Variants in NETO1 observed in about 807,000 individuals in gnomAD.
The protein encoded by NETO1 is neuropilin and tolloid like 1.
In NETO1, 26 loss-of-function variants were observed where a neutral mutation model predicts 61.3. The ratio of observed to expected loss-of-function variants is 0.42; its 90% CI spans 0.31 to 0.59. The LOEUF is 0.59. NETO1 is among the 20% of genes least tolerant of loss of function. The pLI, the probability that NETO1 is intolerant of heterozygous loss-of-function variation, is 0.12. For missense variants in NETO1, 531 were observed against 662.8 expected, an observed-to-expected ratio of 0.80 and a Z score of 2.18; for synonymous variants, 225 against 225.8, an observed-to-expected ratio of 1.00 and a Z score of 0.03.
intron 8 of NETO1, among the ~76,000 whole-genome samples, chr18:72,754,752 TA>T (rs1403962555): frequency 1.3e-5 from 2 of 152,202 alleles, no homozygotes; most frequent in Non-Finnish European, 2.9e-5. Flanking sequence ...CCACTTTCAA[TA>T]ATGGATAAAA....
chr18:72,832,993 T>C (rs1466676079), intron 4 of NETO1, among the ~76,000 whole-genome samples: 1 of 152,214 alleles, frequency 6.6e-6, no homozygotes, highest in Non-Finnish European at 1.5e-5. Context: ...TCTAATGCTC[T>C]TCATATTCTC....
chr18:72,821,234 T>TA (rs10672110), intron 4 of NETO1, among the ~76,000 whole-genome samples: 1,231 of 80,180 alleles, frequency 0.015, 42 homozygotes, highest in South Asian at 0.032. Context: ...TCATATTAAC[T>TA]AAAAAAAAAA....
chr18:72,853,121 C>A (rs1325035623), intron 4 of NETO1, among the ~76,000 whole-genome samples: 2 of 152,164 alleles, frequency 1.3e-5, no homozygotes, highest in Admixed American at 1.3e-4. Flanking sequence ...AAGCATGAGT[C>A]ACCGCACCTT....
At chr18:72,784,835 C>T (rs117612390) in intron 6 of NETO1, among the ~76,000 whole-genome samples, 463 of 152,354 alleles carry the variant, frequency 3.0e-3, no homozygotes, top group Middle Eastern at 0.014. Flanking sequence ...GATTCAGTGG[C>T]ATCCACAGCT....
intron 4 of NETO1, among the ~76,000 whole-genome samples, chr18:72,799,890 GT>G (rs2072450561): frequency 6.6e-6 from 1 of 152,246 alleles, no homozygotes; most frequent in African/African-American, 2.4e-5. Context: ...TTGCTTACTT[GT>G]GCGACACATT....
chr18:72,827,813 C>T (rs541927574), intron 4 of NETO1, among the ~76,000 whole-genome samples: 119 of 151,974 alleles, frequency 7.8e-4, no homozygotes, highest in African/African-American at 2.7e-3. Context: ...CTCTGACTTA[C>T]GACTCCTACA....
At chr18:72,772,841 A>C (rs1275546570) in intron 7 of NETO1, among the ~76,000 whole-genome samples, 2,094 of 29,420 alleles carry the variant, frequency 0.071, 34 homozygotes, top group African/African-American at 0.097. Context: ...ATATATATAT[A>C]TATATATATA....
At chr18:72,767,360 CA>C (rs1351472751) in intron 7 of NETO1, among the ~76,000 whole-genome samples, 1 of 152,142 alleles carries the variant, frequency 6.6e-6, no homozygotes, top group Non-Finnish European at 1.5e-5. Flanking sequence ...CTAAAAATTA[CA>C]GGAAATTTCC....
chr18:72,819,399 G>A (rs2073124716), intron 4 of NETO1, among the ~76,000 whole-genome samples: 1 of 152,132 alleles, frequency 6.6e-6, no homozygotes, highest in African/African-American at 2.4e-5. Context: ...TATAATTGCT[G>A]AAATTCTGAG....
chr18:72,825,198 A>T (rs1348928867), intron 4 of NETO1, among the ~76,000 whole-genome samples: 1 of 152,194 alleles, frequency 6.6e-6, no homozygotes, highest in African/African-American at 2.4e-5. Flanking sequence ...CAAAGACTGG[A>T]ATGTACATCT....
At chr18:72,764,713 T>C (rs529637820) in intron 7 of NETO1, among the ~76,000 whole-genome samples, 6 of 152,316 alleles carry the variant, frequency 3.9e-5, no homozygotes, top group African/African-American at 1.2e-4. Flanking sequence ...ATATGGCTGA[T>C]GGGCCTAAGC....
rs571719155 is a variant in NETO1 at position 72,831,350 on chromosome 18, G to A, written c.469+27476C>T. Among the ~76,000 whole-genome samples the A allele has an allele frequency of 6.6e-5, 10 of 152,308 alleles. No homozygotes were observed. In the South Asian group the frequency reaches 1.7e-3, roughly 25 times the overall value. On this transcript the variant is annotated intron_variant, in intron 4 of 10. Coordinates refer to ENST00000327305, the MANE Select transcript of NETO1 (RefSeq NM_138966.5). ...TCTTCATAGAATTACAGTCTGGTGT[G>A]TCAGATAAAAGACACTGGGTTAACT...
rs148681385 is a variant in NETO1 at position 72,847,537 on chromosome 18, C to T, written c.469+11289G>A. Among the ~76,000 whole-genome samples the T allele has an allele frequency of 8.1e-3, 1,234 of 152,286 alleles. 21 individuals carry two copies. Among genetic ancestry groups the T allele is most frequent in the African/African-American group, 0.029 (1,193 of 41,538 alleles). On this transcript the variant is annotated intron_variant, in intron 4 of 10. Transcript: ENST00000327305. ...CTATTATTGCCACAAACAAAAACAC[C>T]ACTGTCCCATGCACATCTTTGGGAA...
At chr18:72,787,972 T>C (rs1360034586) in intron 6 of NETO1, among the ~76,000 whole-genome samples, 1 of 152,198 alleles carries the variant, frequency 6.6e-6, no homozygotes, top group Non-Finnish European at 1.5e-5. Context: ...AAATAAAATT[T>C]ATAGAAAATA....
chr18:72,858,798 G>GA (rs1311347464), intron 4 of NETO1, 28 bp downstream of exon 4: 1 of 1,565,650 alleles, frequency 6.4e-7, no homozygotes, highest in African/African-American at 1.4e-5. Flanking sequence ...GGAAGAAAAA[G>GA]AAATTTTTTT....
At chr18:72,754,254 G>A (rs1221054190) in intron 8 of NETO1, among the ~76,000 whole-genome samples, 3 of 151,876 alleles carry the variant, frequency 2.0e-5, no homozygotes, top group Non-Finnish European at 4.4e-5. Context: ...GCAGAAGAAA[G>A]CAATAAAGAA....
intron 4 of NETO1, among the ~76,000 whole-genome samples, chr18:72,802,412 G>A (rs527524763): frequency 6.6e-6 from 1 of 152,324 alleles, no homozygotes; most frequent in East Asian, 1.9e-4. Context: ...GCTGATTAAA[G>A]TTTCAGCTTA....
chr18:72,762,519 A>G (rs72962373), intron 7 of NETO1, among the ~76,000 whole-genome samples: 3,687 of 152,324 alleles, frequency 0.024, 39 homozygotes, highest in Middle Eastern at 0.034. Context: ...CATTAAAAAC[A>G]CACAAAAAAG....
Position 72,835,274 on chromosome 18 carries a change from A to G in NETO1, c.469+23552T>C. 1.9e-6 allele frequency: 3 copies of G among 1,575,842 alleles called. No homozygotes were observed. The South Asian group carries it at 3.5e-5, about 18-fold the overall frequency. On this transcript the variant is annotated intron_variant, in intron 4 of 10. Coordinates refer to ENST00000327305, the MANE Select transcript of NETO1 (RefSeq NM_138966.5). ...GAGATGAGATGATGGAGAAGGAGAG[A>G]TCACGAAACACTCTGTAGATCCTGC...
Sources: gnomAD v4.1 joint callset for allele counts (sites outside exome capture counted in the v4.1 genomes callset) on GRCh38, gnomAD v4.1.1 for gene constraint, MANE v1.5 for transcripts, NCBI Gene and HGNC (gene_info 2026-07-23, HGNC 2026-07-21) for gene names.